The following TSNARE1 variants were observed in gnomAD, a reference collection of about 807,000 sequenced individuals.
The protein encoded by TSNARE1 is t-SNARE domain containing 1.
TSNARE1 carries 49 observed loss-of-function variants against 62.0 expected under a neutral mutation model. The observed-to-expected ratio is 0.79, with a 90% confidence interval of 0.63 to 1.00. The LOEUF (loss-of-function observed/expected upper bound fraction) is 1.00. TSNARE1 is among the 50% of genes least tolerant of loss of function. TSNARE1 has a pLI of 0.00. For missense variants in TSNARE1, 755 were observed against 700.1 expected (o/e 1.08, Z -0.88); for synonymous variants, 328 against 294.4 (o/e 1.11, Z -1.17).
intron 1 of TSNARE1, among the ~76,000 whole-genome samples, chr8:142,360,701 G>A (rs1053547043): frequency 1.3e-5 from 2 of 152,090 alleles, no homozygotes; most frequent in African/African-American, 2.4e-5. Flanking sequence ...CGGGGGAAGC[G>A]GCGGTGCCAG....
At chr8:142,257,065 C>G (rs193243436) in intron 12 of TSNARE1, among the ~76,000 whole-genome samples, 2 of 152,224 alleles carry the variant, frequency 1.3e-5, no homozygotes, top group Non-Finnish European at 2.9e-5. Flanking sequence ...GACCTTCCCA[C>G]GCACACATAC....
intron 2 of TSNARE1, among the ~76,000 whole-genome samples, chr8:142,351,204 T>C (rs1162882998): frequency 6.6e-6 from 1 of 152,230 alleles, no homozygotes; most frequent in Non-Finnish European, 1.5e-5. Context: ...CTGTGACGCG[T>C]CTGAGTCTAC....
At chr8:142,359,942 T>C (rs1364152830) in intron 1 of TSNARE1, among the ~76,000 whole-genome samples, 1 of 152,168 alleles carries the variant, frequency 6.6e-6, no homozygotes, top group Non-Finnish European at 1.5e-5. Flanking sequence ...CCAGGCATGC[T>C]GGCTCGCTCG....
intron 13 of TSNARE1, among the ~76,000 whole-genome samples, chr8:142,227,107 A>ACCC: frequency 6.7e-6 from 1 of 149,340 alleles, no homozygotes; most frequent in South Asian, 2.1e-4. Context: ...CTGCACCCAC[A>ACCC]CAATAGTGAC....
At chr8:142,278,820 C>T (rs1379940197) in intron 11 of TSNARE1, 2 of 985,096 alleles carry the variant, frequency 2.0e-6, no homozygotes, top group East Asian at 1.1e-4. Flanking sequence ...AGGGAGGGGC[C>T]TGCAGAAGGA....
intron 1 of TSNARE1, among the ~76,000 whole-genome samples, chr8:142,391,986 C>A (rs1837567223): frequency 6.6e-6 from 1 of 152,244 alleles, no homozygotes; most frequent in Non-Finnish European, 1.5e-5. Context: ...CCCGTGACAA[C>A]ACCTCCTGAA....
At chr8:142,389,773 G>A (rs1474644702) in intron 1 of TSNARE1, among the ~76,000 whole-genome samples, 1 of 152,212 alleles carries the variant, frequency 6.6e-6, no homozygotes, top group Admixed American at 6.5e-5. Context: ...AAGCAAAAAA[G>A]AAATGTTTAT....
chr8:142,352,655 C>A (rs1008704645), intron 2 of TSNARE1, among the ~76,000 whole-genome samples: 3 of 152,254 alleles, frequency 2.0e-5, no homozygotes, highest in African/African-American at 7.2e-5. Context: ...GAACACGATG[C>A]GTAAAAGCAG....
At chr8:142,293,054 C>T (rs1275687886) in intron 10 of TSNARE1, among the ~76,000 whole-genome samples, 2 of 152,322 alleles carry the variant, frequency 1.3e-5, no homozygotes, top group East Asian at 3.9e-4. Context: ...AATCCCAGGA[C>T]TCCGGAACCT....
intron 9 of TSNARE1, among the ~76,000 whole-genome samples, chr8:142,301,012 G>C (rs538905613): frequency 3.7e-5 from 3 of 82,050 alleles, no homozygotes; most frequent in East Asian, 5.9e-4. Flanking sequence ...CGTTCATACC[G>C]AACTGAAAAC....
intron 12 of TSNARE1, chr8:142,273,433 C>G (rs748854117): frequency 5.1e-5 from 50 of 985,280 alleles, no homozygotes; most frequent in Non-Finnish European, 5.9e-5. Flanking sequence ...GCCTAGCTGC[C>G]CTCAGCGACT....
upstream of TSNARE1, chr8:142,403,219 C>T (rs1838439979): frequency 6.6e-6 from 1 of 150,802 alleles, no homozygotes; most frequent in African/African-American, 2.4e-5. Flanking sequence ...GCGCCCCCTC[C>T]CGCACCAGCC....
intron 13 of TSNARE1, among the ~76,000 whole-genome samples, chr8:142,215,677 G>C (rs1386260968): frequency 6.6e-6 from 1 of 152,136 alleles, no homozygotes; most frequent in African/African-American, 2.4e-5. Flanking sequence ...GGAAGGGCAG[G>C]CCAAGGGGGC....
chr8:142,214,640 G>T (rs1270695514), intron 13 of TSNARE1, among the ~76,000 whole-genome samples: 3 of 152,106 alleles, frequency 2.0e-5, no homozygotes, highest in Admixed American at 1.3e-4. Context: ...CCCTGCTACG[G>T]TCTGAGTGCT....
At chr8:142,243,226 A>G (rs559818863) in intron 12 of TSNARE1, among the ~76,000 whole-genome samples, 1 of 152,318 alleles carries the variant, frequency 6.6e-6, no homozygotes, top group South Asian at 2.1e-4. Context: ...GAACTATCAT[A>G]TGTTCCAGCA....
intron 1 of TSNARE1, among the ~76,000 whole-genome samples, chr8:142,402,261 G>A (rs758070982): frequency 2.0e-5 from 3 of 152,142 alleles, no homozygotes; most frequent in Non-Finnish European, 2.9e-5. Context: ...GCACCACACC[G>A]CTCACAGAAC....
chr8:142,335,112 T>G (rs1342883803), intron 4 of TSNARE1, among the ~76,000 whole-genome samples: 1 of 152,228 alleles, frequency 6.6e-6, no homozygotes, highest in East Asian at 1.9e-4. Flanking sequence ...TGACGTGTGG[T>G]CCTGAATGTA....
chr8:142,223,051 TTC>T (rs1816511409), intron 13 of TSNARE1, among the ~76,000 whole-genome samples: 1 of 107,854 alleles, frequency 9.3e-6, no homozygotes, highest in East Asian at 3.0e-4. Context: ...CACTCACTCA[TTC>T]ACTCATTCAC....
At chr8:142,273,248 G>A (rs1055616509) in intron 12 of TSNARE1, 2 of 985,278 alleles carry the variant, frequency 2.0e-6, no homozygotes, top group Admixed American at 6.1e-5. Context: ...AGGCATCAGC[G>A]CTGCTTCTGA....
Sources: allele counts gnomAD v4.1 joint callset (sites outside exome capture counted in the v4.1 genomes callset), GRCh38; gene constraint gnomAD v4.1.1; transcripts MANE v1.5; gene names NCBI Gene and HGNC (gene_info 2026-07-23, HGNC 2026-07-21).